The following RAB8B variants were observed in gnomAD, a reference collection of about 807,000 sequenced individuals.
RAB8B encodes ras-related protein Rab-8B.
RAB8B carries 11 observed loss-of-function variants against 32.0 expected under a neutral mutation model. The ratio of observed to expected loss-of-function variants is 0.34; its 90% CI spans 0.22 to 0.57. RAB8B has a LOEUF of 0.57. Ranked by LOEUF, RAB8B falls within the 20% of genes least tolerant of loss-of-function variation. The pLI, the probability that RAB8B is intolerant of heterozygous loss-of-function variation, is 0.86. For missense variants in RAB8B, 190 were observed against 258.5 expected, an observed-to-expected ratio of 0.73 and a Z score of 1.82; for synonymous variants, 103 against 89.6, an observed-to-expected ratio of 1.15 and a Z score of -0.85.
intron 1 of RAB8B, among the ~76,000 whole-genome samples, chr15:63,216,306 G>A (rs1050001017): frequency 1.7e-4 from 25 of 147,504 alleles, no homozygotes; most frequent in African/African-American, 5.0e-4. Context: ...TTGGCTCACT[G>A]CAACCTCCGC....
intron 1 of RAB8B, among the ~76,000 whole-genome samples, chr15:63,204,924 G>A (rs1382778470): frequency 2.0e-5 from 3 of 152,136 alleles, no homozygotes; most frequent in South Asian, 2.1e-4. Context: ...TTGGGAGGCC[G>A]AGGCAGGAGG....
At chr15:63,260,396 T>C (rs551279627) in intron 6 of RAB8B, among the ~76,000 whole-genome samples, 1 of 152,350 alleles carries the variant, frequency 6.6e-6, no homozygotes, top group Admixed American at 6.5e-5. Flanking sequence ...GTTAGTTTAT[T>C]GGACACATTC....
chr15:63,189,878 C>CGGAGAGGGGCGAGGGCG, intron 1 of RAB8B, 130 bp downstream of exon 1: 1 of 1,003,838 alleles, frequency 1.0e-6, no homozygotes, highest in Non-Finnish European at 1.3e-6. Context: ...GGCGGGGGCA[C>CGGAGAGGGGCGAGGGCG]TGAGAGGGGC....
intron 2 of RAB8B, among the ~76,000 whole-genome samples, chr15:63,246,714 A>G (rs536721096): frequency 6.6e-6 from 1 of 152,142 alleles, no homozygotes; most frequent in South Asian, 2.1e-4. Flanking sequence ...ATCGTGGGCC[A>G]TTGGTGATTA....
intron 1 of RAB8B, among the ~76,000 whole-genome samples, chr15:63,229,805 A>G (rs1012142789): frequency 6.6e-6 from 1 of 150,702 alleles, no homozygotes; most frequent in Non-Finnish European, 1.5e-5. Flanking sequence ...AAAAAAAAAA[A>G]AAAAAGAAGC....
chr15:63,222,894 C>A (rs1416525873), intron 1 of RAB8B: 1 of 256,580 alleles, frequency 3.9e-6, no homozygotes, highest in South Asian at 3.5e-5. Context: ...GACATCATAA[C>A]TATTGTAATG....
intron 1 of RAB8B, among the ~76,000 whole-genome samples, chr15:63,232,634 T>C (rs180757400): frequency 6.6e-6 from 1 of 152,358 alleles, no homozygotes; most frequent in Admixed American, 6.5e-5. Context: ...TGCCACTTCC[T>C]ATTCATAGGA....
chr15:63,227,054 G>A (rs2037894668), intron 1 of RAB8B, among the ~76,000 whole-genome samples: 1 of 152,132 alleles, frequency 6.6e-6, no homozygotes, highest in African/African-American at 2.4e-5. Flanking sequence ...TTTGGTTTTG[G>A]TGGCTTTGGG....
At chr15:63,245,453 A>G (rs1307131654) in intron 2 of RAB8B, among the ~76,000 whole-genome samples, 1 of 152,270 alleles carries the variant, frequency 6.6e-6, no homozygotes, top group Admixed American at 6.5e-5. Flanking sequence ...TACTTCTGAC[A>G]CCAGATGTCA....
At chr15:63,229,655 C>T (rs1382420881) in intron 1 of RAB8B, among the ~76,000 whole-genome samples, 1 of 151,832 alleles carries the variant, frequency 6.6e-6, no homozygotes, top group Non-Finnish European at 1.5e-5. Context: ...GTGGCACGTG[C>T]CTGTAATTCC....
chr15:63,262,766 T>C, intron 7 of RAB8B, 24 bp downstream of exon 7: 1 of 1,267,282 alleles, frequency 7.9e-7, no homozygotes, highest in African/African-American at 1.6e-5. Context: ...ATAATTTTTA[T>C]TTCCATTATG....
At chr15:63,193,303 G>T (rs2037573721) in intron 1 of RAB8B, among the ~76,000 whole-genome samples, 1 of 152,034 alleles carries the variant, frequency 6.6e-6, no homozygotes, top group Non-Finnish European at 1.5e-5. Flanking sequence ...TTTCCTTTTT[G>T]CTCTTTGAGG....
Position 63,263,788 on chromosome 15 carries a change from C to T in RAB8B, c.*169C>T, listed in dbSNP as rs1216260965. Reference sequence around the variant, plus strand: ...AGTGGATTCCAGCCTCATGGCCTAGCAAAAGAACAGACTCCCTTTTTCAAA... The same window carrying T: ...AGTGGATTCCAGCCTCATGGCCTAGTAAAAGAACAGACTCCCTTTTTCAAA... On this transcript the variant is annotated 3_prime_UTR_variant, in exon 8 of 8. Coordinates refer to ENST00000321437, the MANE Select transcript of RAB8B (RefSeq NM_016530.3). 5.8e-6 allele frequency: 3 copies of T among 515,502 alleles called. No individual in the cohort carries two copies. The highest frequency in any genetic ancestry group is 3.8e-5 in the African/African-American group (2 of 51,964). 31.9% of individuals were successfully genotyped at this position (515,502 alleles called of 1,614,324 possible).
At chr15:63,260,458 C>G (rs902530920) in intron 6 of RAB8B, among the ~76,000 whole-genome samples, 5 of 152,142 alleles carry the variant, frequency 3.3e-5, no homozygotes, top group African/African-American at 1.2e-4. Context: ...GTAACAGTGG[C>G]ATTTAGTGGA....
chr15:63,266,391 T>G lies in RAB8B; in HGVS notation c.*2772T>G, dbSNP rs1306190659. On this transcript the variant is annotated 3_prime_UTR_variant, in exon 8 of 8. Transcript: ENST00000321437. ...TAGCTATATTTTACTTCAGACAGAT[T>G]ATGATACAATAATCTACCTGTGCAT... 1 of 152,620 alleles carries G rather than the reference T, an allele frequency of 6.6e-6. No homozygotes were observed. Among genetic ancestry groups the G allele is most frequent in the Non-Finnish European group, 1.5e-5 (1 of 68,004 alleles). The allele number at this position is 152,620 out of a possible 1,614,324, so 9.5% of individuals were successfully genotyped here.
rs550827642 is a variant in RAB8B, at chr15:63,251,860, C to T, written c.246+2155C>T. On this transcript the variant is annotated intron_variant, in intron 3 of 7. Coordinates refer to ENST00000321437, the MANE Select transcript of RAB8B (RefSeq NM_016530.3). ...CAAGTCATCCATTCCAGTCGGTTGC[C>T]GGGCCCACCATTTTCAGCAAGTGGT... Among the ~76,000 whole-genome samples, 60 of 152,150 alleles carry T rather than the reference C, an allele frequency of 3.9e-4. No homozygotes were observed. The South Asian group carries it at 9.8e-3, about 25-fold the overall frequency.
chr15:63,252,095 T>G (rs927583735), intron 3 of RAB8B, among the ~76,000 whole-genome samples: 1 of 151,876 alleles, frequency 6.6e-6, no homozygotes, highest in Admixed American at 6.6e-5. Context: ...TCTGAATTCT[T>G]AGGAAGCTAT....
chr15:63,253,207 G>A (rs958161626), intron 3 of RAB8B, among the ~76,000 whole-genome samples: 5 of 152,048 alleles, frequency 3.3e-5, no homozygotes, highest in African/African-American at 1.2e-4. Context: ...GTTGCAAAAA[G>A]GATACATATA....
intron 1 of RAB8B, among the ~76,000 whole-genome samples, chr15:63,217,242 C>T (rs764354734): frequency 1.9e-4 from 29 of 152,070 alleles, no homozygotes; most frequent in Non-Finnish European, 3.8e-4. Context: ...GAGGAATAAG[C>T]GTAATGGAGT....
Sources: allele counts gnomAD v4.1 joint callset (sites outside exome capture counted in the v4.1 genomes callset), GRCh38; gene constraint gnomAD v4.1.1; transcripts MANE v1.5; gene names NCBI Gene and HGNC (gene_info 2026-07-23, HGNC 2026-07-21).